The following KCNB2 variants were observed in gnomAD, a reference collection of about 807,000 sequenced individuals.
KCNB2 encodes delayed rectifier potassium channel protein.
A neutral mutation model predicts 61.5 loss-of-function variants in KCNB2; 15 were observed. The observed-to-expected ratio is 0.24, with a 90% CI of 0.16 to 0.38. The LOEUF (loss-of-function observed/expected upper bound fraction) is 0.38. KCNB2 is among the 10% of genes least tolerant of loss of function. KCNB2 has a pLI of 1.00. For missense variants in KCNB2, 828 were observed against 1,125.2 expected, an observed-to-expected ratio of 0.74 and a Z score of 3.78; for synonymous variants, 457 against 446.0, an observed-to-expected ratio of 1.02 and a Z score of -0.31.
rs1355800336 is a variant in KCNB2, at chr8:72,937,781, C to T, written c.2426C>T (p.Thr809Ile). ...RERRSFTEID[T>I]GDDEDFLELP... ...AGGAGGAGCTTCACTGAAATAGATA[C>T]TGGTGACGACGAAGACTTCTTAGAG... is the stretch of plus-strand genomic sequence containing the variant. Residue 809 changes from threonine (T) to isoleucine (I), a missense_variant, in exon 3 of 3, where the codon ACT (threonine) becomes ATT (isoleucine). Around this residue, in one of 4 missense-constraint regions of KCNB2, gnomAD observed 559 missense variants for 588.4 expected, o/e 0.95. Transcript: ENST00000523207. 6.2e-7 allele frequency: 1 copy of T among 1,613,932 alleles called. No individual in the cohort carries two copies.
intron 2 of KCNB2, among the ~76,000 whole-genome samples, chr8:72,900,097 A>ATTTTTATTTGAT (rs1806062499): frequency 6.6e-6 from 1 of 152,188 alleles, no homozygotes; most frequent in South Asian, 2.1e-4. Flanking sequence ...ACTTCAAACT[A>ATTTTTATTTGAT]TACTACAAGG....
At chr8:72,819,458 C>G (rs1809455821) in intron 2 of KCNB2, among the ~76,000 whole-genome samples, 1 of 152,126 alleles carries the variant, frequency 6.6e-6, no homozygotes, top group South Asian at 2.1e-4. Flanking sequence ...TTAGTGTAGG[C>G]TCACCTTTGT....
intron 1 of KCNB2, among the ~76,000 whole-genome samples, chr8:72,559,366 A>C (rs1806476563): frequency 6.6e-6 from 1 of 151,966 alleles, no homozygotes; most frequent in Non-Finnish European, 1.5e-5. Context: ...GCTGATCTTG[A>C]ACTCTTGAGC....
At chr8:72,894,948 T>G in intron 2 of KCNB2, among the ~76,000 whole-genome samples, 1 of 152,122 alleles carries the variant, frequency 6.6e-6, no homozygotes, top group East Asian at 1.9e-4. Context: ...TCATGTTGTT[T>G]CCCTAGATCC....
intron 1 of KCNB2, among the ~76,000 whole-genome samples, chr8:72,557,152 A>T (rs349342): frequency 0.62 from 93,947 of 151,854 alleles, 30,083 homozygotes; most frequent in Admixed American, 0.7. Flanking sequence ...AAGCATTCAG[A>T]CCATAGTACA....
chr8:72,800,529 T>C (rs1442407723), intron 2 of KCNB2, among the ~76,000 whole-genome samples: 1 of 152,156 alleles, frequency 6.6e-6, no homozygotes, highest in Non-Finnish European at 1.5e-5. Context: ...GAATCCCCAA[T>C]GAGGCCAATA....
intron 2 of KCNB2, among the ~76,000 whole-genome samples, chr8:72,677,240 C>A (rs1204434463): frequency 1.3e-5 from 2 of 152,176 alleles, no homozygotes; most frequent in African/African-American, 4.8e-5. Context: ...CTGCTGACAC[C>A]TTGATCTCAG....
At chr8:72,787,062 A>G (rs1330938229) in intron 2 of KCNB2, among the ~76,000 whole-genome samples, 2 of 152,158 alleles carry the variant, frequency 1.3e-5, no homozygotes, top group African/African-American at 4.8e-5. Context: ...CTCTGATTCT[A>G]GTTAGAAAAT....
chr8:72,833,331 G>C (rs753265542), intron 2 of KCNB2, among the ~76,000 whole-genome samples: 1 of 152,134 alleles, frequency 6.6e-6, no homozygotes, highest in Non-Finnish European at 1.5e-5. Context: ...GGAAAGGTAA[G>C]ATGGAGAAGA....
At chr8:72,896,346 A>G (rs1334078208) in intron 2 of KCNB2, among the ~76,000 whole-genome samples, 1 of 152,152 alleles carries the variant, frequency 6.6e-6, no homozygotes, top group East Asian at 1.9e-4. Context: ...TCCTTTGGGC[A>G]AATGCAACAT....
At chr8:72,693,683 C>T (rs1021882918) in intron 2 of KCNB2, among the ~76,000 whole-genome samples, 3 of 152,100 alleles carry the variant, frequency 2.0e-5, no homozygotes, top group Admixed American at 2.0e-4. Context: ...TATCTGTGGA[C>T]GCCTGCTCTC....
At chr8:72,848,152 A>G (rs1297421228) in intron 2 of KCNB2, among the ~76,000 whole-genome samples, 5 of 152,218 alleles carry the variant, frequency 3.3e-5, no homozygotes, top group Non-Finnish European at 7.3e-5. Context: ...TGCATTTGGA[A>G]TATAGAAAAA....
intron 2 of KCNB2, among the ~76,000 whole-genome samples, chr8:72,925,804 G>A (rs1391711424): frequency 6.6e-6 from 1 of 152,130 alleles, no homozygotes; most frequent in Non-Finnish European, 1.5e-5. Flanking sequence ...TATATTCATG[G>A]CAGCACTATT....
chr8:72,696,362 A>T (rs1370931444), intron 2 of KCNB2, among the ~76,000 whole-genome samples: 3 of 152,198 alleles, frequency 2.0e-5, no homozygotes, highest in Non-Finnish European at 4.4e-5. Flanking sequence ...AGATGATTTC[A>T]GTTCGGGGAA....
rs1165070690 is a variant in KCNB2, at chr8:72,568,421, G to A, written c.579+108G>A. Reference sequence around the variant, plus strand: ...GTTTTGGTAACACAGAACAAAGTGTGGCTACACAGACAGTGAAAAAATCCT... The same window carrying A: ...GTTTTGGTAACACAGAACAAAGTGTAGCTACACAGACAGTGAAAAAATCCT... On this transcript the variant is annotated intron_variant, in intron 2 of 2. Transcript: ENST00000523207. 3.3e-6 allele frequency: 3 copies of A among 903,158 alleles called. No homozygotes were observed. In the East Asian group the frequency reaches 7.5e-5, roughly 23 times the overall value. 55.9% of individuals were successfully genotyped at this position (903,158 alleles called of 1,614,324 possible). A position where few individuals can be genotyped will look rare whatever the true frequency, so the allele number is the denominator to read the frequency against.
intron 2 of KCNB2, among the ~76,000 whole-genome samples, chr8:72,838,869 G>A (rs1011528277): frequency 1.3e-5 from 2 of 151,854 alleles, no homozygotes; most frequent in African/African-American, 2.4e-5. Flanking sequence ...AAGTGTTTGG[G>A]GTATTGAATG....
chr8:72,694,567 A>G (rs1326116814), intron 2 of KCNB2, among the ~76,000 whole-genome samples: 2 of 152,142 alleles, frequency 1.3e-5, no homozygotes. Flanking sequence ...TTTTACATAG[A>G]CAGACATTTT....
chr8:72,892,135 C>G (rs1323011728), intron 2 of KCNB2, among the ~76,000 whole-genome samples: 1 of 152,162 alleles, frequency 6.6e-6, no homozygotes, highest in East Asian at 1.9e-4. Flanking sequence ...TGAAGTTTCT[C>G]CCTGAGCTGT....
chr8:72,580,358 G>A (rs2128980294), intron 2 of KCNB2, among the ~76,000 whole-genome samples: 1 of 152,140 alleles, frequency 6.6e-6, no homozygotes, highest in East Asian at 1.9e-4. Flanking sequence ...CCACACTAAT[G>A]CCATATTGAT....
Sources: gnomAD v4.1 joint callset for allele counts (sites outside exome capture counted in the v4.1 genomes callset) on GRCh38, gnomAD v4.1.1 for gene constraint, gnomAD v4.1.1 regional missense constraint, MANE v1.5 for transcripts, NCBI Gene and HGNC (gene_info 2026-07-23, HGNC 2026-07-21) for gene names.